Variants in CLSTN2 observed in about 807,000 individuals in gnomAD.
CLSTN2 encodes calsyntenin-2.
CLSTN2 carries 48 observed loss-of-function variants against 101.2 expected under a neutral mutation model. The ratio of observed to expected loss-of-function variants is 0.47; its 90% CI spans 0.38 to 0.60. CLSTN2 has a LOEUF of 0.60. Among genes scored for constraint, CLSTN2 ranks in the 20% least tolerant of loss-of-function variants. CLSTN2 has a pLI of 0.00. For synonymous variants in CLSTN2, 481 were observed against 463.6 expected, an observed-to-expected ratio of 1.04 and a Z score of -0.48; for missense variants, 1,160 against 1,238.2, an observed-to-expected ratio of 0.94 and a Z score of 0.95.
rs764977481 is a variant in CLSTN2 at position 140,562,122 on chromosome 3, G to A, written c.2042-16G>A. 20 of 1,612,124 alleles carry A rather than the reference G, an allele frequency of 1.2e-5. No individual in the cohort carries two copies. The East Asian group carries it at 4.2e-4, about 34-fold the overall frequency. ...TGTCCTTCATGCCTGCATTTCCCATGTCTGTCTTCCTACAGACCCCAAATC... is the reference window on the plus strand; with the variant it reads ...TGTCCTTCATGCCTGCATTTCCCATATCTGTCTTCCTACAGACCCCAAATC... On this transcript the variant is annotated splice_polypyrimidine_tract_variant and intron_variant, in intron 12 of 16. Coordinates refer to ENST00000458420, the MANE Select transcript of CLSTN2 (RefSeq NM_022131.3).
chr3:140,372,270 T>C (rs1054784500), intron 2 of CLSTN2, among the ~76,000 whole-genome samples: 4 of 152,330 alleles, frequency 2.6e-5, no homozygotes, highest in Admixed American at 2.6e-4. Context: ...CATCTATAGA[T>C]GCTTGTCTGA....
chr3:140,466,878 T>C, intron 8 of CLSTN2, 147 bp downstream of exon 8: 1 of 1,054,388 alleles, frequency 9.5e-7, no homozygotes, highest in Non-Finnish European at 1.3e-6. Flanking sequence ...ACACACAGCA[T>C]CTTAAAGTCA....
At chr3:139,951,417 G>C (rs1935291729) in intron 1 of CLSTN2, among the ~76,000 whole-genome samples, 2 of 152,206 alleles carry the variant, frequency 1.3e-5, no homozygotes, top group South Asian at 4.1e-4. Flanking sequence ...TCTCCCTGGT[G>C]GGGGATGCTG....
chr3:140,311,472 A>ATT lies in CLSTN2; in HGVS notation c.233-92140_233-92139dup, dbSNP rs1241981397. ...AGGTGTGTGCCACTATGCCTGGCTA[A>ATT]TTTTTTTTTTTTTTTTTTAAGTAGA... On this transcript the variant is annotated intron_variant, in intron 2 of 16. Coordinates refer to ENST00000458420, the MANE Select transcript of CLSTN2 (RefSeq NM_022131.3). Among the ~76,000 whole-genome samples, 259 of 129,674 alleles carry ATT rather than the reference A, an allele frequency of 2.0e-3. 3 individuals carry two copies. Among genetic ancestry groups the ATT allele is most frequent in the African/African-American group, 7.1e-3 (243 of 34,012 alleles). 85.1% of individuals were successfully genotyped at this position (129,674 alleles called of 152,430 possible). A position where few individuals can be genotyped will look rare whatever the true frequency, so the allele number is the denominator to read the frequency against.
intron 2 of CLSTN2, among the ~76,000 whole-genome samples, chr3:140,243,744 T>C (rs1469366947): frequency 6.6e-6 from 1 of 152,210 alleles, no homozygotes; most frequent in African/African-American, 2.4e-5. Context: ...ACTTGGAAGA[T>C]GGCCAGAAAT....
chr3:139,993,100 GTA>G (rs1936143752), intron 1 of CLSTN2, among the ~76,000 whole-genome samples: 1 of 152,282 alleles, frequency 6.6e-6, no homozygotes, highest in Admixed American at 6.5e-5. Context: ...TTGTGTGTGT[GTA>G]TGGGAGGGGG....
chr3:140,284,542 A>C (rs1228326925), intron 2 of CLSTN2, among the ~76,000 whole-genome samples: 1 of 152,068 alleles, frequency 6.6e-6, no homozygotes, highest in African/African-American at 2.4e-5. Context: ...CCTGTGTTGC[A>C]TTGTGGATTT....
At chr3:140,395,863 C>G (rs1317242985) in intron 2 of CLSTN2, among the ~76,000 whole-genome samples, 1 of 152,144 alleles carries the variant, frequency 6.6e-6, no homozygotes, top group East Asian at 1.9e-4. Flanking sequence ...CAACTGTGTA[C>G]TAGAGAGGAC....
chr3:140,290,796 G>C (rs771678753), intron 2 of CLSTN2, among the ~76,000 whole-genome samples: 1 of 152,086 alleles, frequency 6.6e-6, no homozygotes, highest in Non-Finnish European at 1.5e-5. Flanking sequence ...ATGACCCAAC[G>C]CCATGCTTTG....
chr3:140,316,137 G>A (rs548161348), intron 2 of CLSTN2, among the ~76,000 whole-genome samples: 1 of 152,282 alleles, frequency 6.6e-6, no homozygotes, highest in South Asian at 2.1e-4. Flanking sequence ...ATGAAACCCA[G>A]CCATGCTCTT....
At chr3:140,190,253 C>G (rs1484330377) in intron 2 of CLSTN2, among the ~76,000 whole-genome samples, 6 of 152,066 alleles carry the variant, frequency 3.9e-5, no homozygotes, top group African/African-American at 1.4e-4. Context: ...TCTGGATTCT[C>G]TTCTCTCATC....
chr3:140,384,863 C>T (rs1018710130), intron 2 of CLSTN2, among the ~76,000 whole-genome samples: 2 of 152,214 alleles, frequency 1.3e-5, no homozygotes, highest in Non-Finnish European at 2.9e-5. Flanking sequence ...GGGTTCCCCA[C>T]ATGAACATTT....
At chr3:140,356,385 T>C (rs963008341) in intron 2 of CLSTN2, among the ~76,000 whole-genome samples, 4 of 152,156 alleles carry the variant, frequency 2.6e-5, no homozygotes, top group African/African-American at 9.7e-5. Context: ...CTTCTATGAC[T>C]GACAAAACTC....
rs1183203912 is a variant in CLSTN2 at position 140,419,779 on chromosome 3, GTATATACACGTA to G, written c.638-1343_638-1332del. Among the ~76,000 whole-genome samples the G allele has an allele frequency of 3.5e-5, 2 of 56,514 alleles. 1 individual carries two copies. Among genetic ancestry groups the G allele is most frequent in the Non-Finnish European group, 5.6e-5 (2 of 35,974 alleles). 37.1% of individuals were successfully genotyped at this position (56,514 alleles called of 152,430 possible). On this transcript the variant is annotated intron_variant, in intron 4 of 16. Coordinates refer to ENST00000458420, the MANE Select transcript of CLSTN2 (RefSeq NM_022131.3). ...TATACGTGTATACACGTGTATACAC[GTATATACACGTA>G]TACGTGTATATACGTGTATATACGT...
chr3:140,037,887 T>C (rs2007687167), intron 1 of CLSTN2, among the ~76,000 whole-genome samples: 1 of 152,252 alleles, frequency 6.6e-6, no homozygotes. Context: ...TGCTCCTTTA[T>C]ATGGCTGCAT....
chr3:140,240,174 C>CTCTCTCTCTCTCTA (rs1311225528), intron 2 of CLSTN2, among the ~76,000 whole-genome samples: 12 of 13,348 alleles, frequency 9.0e-4, no homozygotes, highest in South Asian at 4.4e-3. Flanking sequence ...CTCTCTCTCT[C>CTCTCTCTCTCTCTA]TATATATATA....
chr3:140,069,675 T>C (rs1280676879), intron 1 of CLSTN2, among the ~76,000 whole-genome samples: 1 of 152,178 alleles, frequency 6.6e-6, no homozygotes, highest in Non-Finnish European at 1.5e-5. Context: ...GTTCACATCT[T>C]CCCTTATAGC....
rs970438847 is a variant in CLSTN2, at chr3:140,558,849, A to C, written c.2033A>C (p.Lys678Thr). ...AAAACCGAAGCCCCCGGGGACGTGA[A>C]AACCACAGGTACAGGTGCATTTGAG... ...FAKTEAPGDV[K>T]TTDPKSEVLE... is the part of the protein sequence containing the mutation. The change falls in exon 12 of 17, where the codon AAA becomes ACA. Residue 678 changes from lysine (K) to threonine (T), a missense_variant. Coordinates refer to ENST00000458420, the MANE Select transcript of CLSTN2 (RefSeq NM_022131.3). 6.2e-7 allele frequency: 1 copy of C among 1,613,752 alleles called. No individual in the cohort carries two copies. Among genetic ancestry groups the C allele is most frequent in the Non-Finnish European group, 8.5e-7 (1 of 1,179,958 alleles).
At chr3:140,002,212 C>T (rs958401469) in intron 1 of CLSTN2, among the ~76,000 whole-genome samples, 1 of 152,158 alleles carries the variant, frequency 6.6e-6, no homozygotes, top group Non-Finnish European at 1.5e-5. Flanking sequence ...TTCTCCACGT[C>T]CTCACCAGCA....
Sources: allele counts gnomAD v4.1 joint callset (sites outside exome capture counted in the v4.1 genomes callset), GRCh38; gene constraint gnomAD v4.1.1; transcripts MANE v1.5; gene names NCBI Gene and HGNC (gene_info 2026-07-23, HGNC 2026-07-21).